Variants in ZFHX3 observed in about 807,000 individuals in gnomAD.
ZFHX3 encodes the protein zinc finger homeobox protein 3.
A neutral mutation model predicts 279.1 loss-of-function variants in ZFHX3; 42 were observed. The observed-to-expected ratio is 0.15, with a 90% CI of 0.12 to 0.19. The LOEUF (loss-of-function observed/expected upper bound fraction) is 0.19. Among genes scored for constraint, ZFHX3 ranks in the 10% least tolerant of loss-of-function variants. The pLI is 1.00. For missense variants in ZFHX3, 4,981 were observed against 4,754.0 expected (o/e 1.05, Z -1.40); for synonymous variants, 2,293 against 1,957.8 (o/e 1.17, Z -4.52).
intron 3 of ZFHX3, among the ~76,000 whole-genome samples, chr16:72,907,477 T>TC (rs1212222172): frequency 2.0e-5 from 3 of 151,170 alleles, no homozygotes; most frequent in Non-Finnish European, 4.4e-5. Flanking sequence ...CACCCACTAC[T>TC]CCCCTGTACC....
At chr16:73,235,596 A>G (rs1053661700) in intron 5 of ZFHX3, among the ~76,000 whole-genome samples, 1 of 152,148 alleles carries the variant, frequency 6.6e-6, no homozygotes, top group Non-Finnish European at 1.5e-5. Context: ...TGGGGGAATA[A>G]AAGTTGTGCC....
intron 2 of ZFHX3, among the ~76,000 whole-genome samples, chr16:73,632,359 C>T (rs2052482193): frequency 6.6e-6 from 1 of 152,108 alleles, no homozygotes; most frequent in Non-Finnish European, 1.5e-5. Context: ...AGGTGCCTGG[C>T]CTTACAAAAC....
intron 1 of ZFHX3, among the ~76,000 whole-genome samples, chr16:73,001,586 G>C (rs1291489638): frequency 6.6e-6 from 1 of 152,112 alleles, no homozygotes. Flanking sequence ...GCTGAAGTGA[G>C]AGGATCACTT....
intron 4 of ZFHX3, among the ~76,000 whole-genome samples, chr16:73,304,915 T>C (rs376892416): frequency 6.6e-6 from 1 of 152,118 alleles, no homozygotes. Flanking sequence ...CAATATGTCT[T>C]TGGGAGCATG....
At chr16:73,664,918 C>T (rs549741701) in intron 2 of ZFHX3, among the ~76,000 whole-genome samples, 1 of 152,256 alleles carries the variant, frequency 6.6e-6, no homozygotes, top group African/African-American at 2.4e-5. Flanking sequence ...GAGTTTTATT[C>T]CATTTAAAAT....
At chr16:73,316,863 T>C (rs898371834) in intron 4 of ZFHX3, among the ~76,000 whole-genome samples, 3 of 152,216 alleles carry the variant, frequency 2.0e-5, no homozygotes, top group Admixed American at 6.5e-5. Flanking sequence ...TCAAGATTCT[T>C]GATTTGTTTC....
At position 72,787,694 on chromosome 16, in the gene ZFHX3, AGCCGCCGCCGCCGCCGCCGCCGCCACC is replaced by A. The variant is rs1318451799; in HGVS notation, c.10555_10581del (p.Gly3519_Gly3527del). ...CTCTCGCACGCCAGGCAGTGGTACGAGCCGCCGCCGCCGCCGCCGCCGCCACCGCCGCCGCCGCCGCCACTGCCACCG... is the reference window on the plus strand; with the variant it reads ...CTCTCGCACGCCAGGCAGTGGTACGAGCCGCCGCCGCCGCCACTGCCACCG... On this transcript the variant is annotated inframe_deletion, in exon 10 of 10. Transcript: ENST00000268489. 158 of 1,420,786 alleles carry A rather than the reference AGCCGCCGCCGCCGCCGCCGCCGCCACC, an allele frequency of 1.1e-4. 35 individuals are homozygous for A. The South Asian group carries it at 1.5e-3, about 14-fold the overall frequency. The allele number at this position is 1,420,786 out of a possible 1,614,324, so 88.0% of individuals were successfully genotyped here. A position where few individuals can be genotyped will look rare whatever the true frequency, so the allele number is the denominator to read the frequency against.
At chr16:73,867,159 AT>A (rs1962044439) in intron 1 of ZFHX3, among the ~76,000 whole-genome samples, 2 of 152,076 alleles carry the variant, frequency 1.3e-5, no homozygotes, top group Admixed American at 1.3e-4. Flanking sequence ...GGGATGAGGC[AT>A]TTACAGTGCC....
rs1377194954 is a variant in ZFHX3 at position 72,957,002 on chromosome 16, T to C, written c.2719+425A>G. Among the ~76,000 whole-genome samples the C allele has an allele frequency of 2.0e-5, 3 of 152,210 alleles. No homozygotes were observed. In the East Asian group the frequency reaches 5.8e-4, roughly 29 times the overall value. On this transcript the variant is annotated intron_variant, in intron 2 of 9. Coordinates refer to ENST00000268489, the MANE Select transcript of ZFHX3 (RefSeq NM_006885.4). ...AAGATGATTGTCTCTACTTAAATCA[T>C]TGAGGTAACTGTCCCTAGTCCTCTT...
intron 1 of ZFHX3, among the ~76,000 whole-genome samples, chr16:73,725,936 CCATTT>C (rs1355689320): frequency 3.9e-5 from 6 of 152,088 alleles, no homozygotes; most frequent in Non-Finnish European, 8.8e-5. Flanking sequence ...GAATATTAAA[CCATTT>C]AATTTTTGTC....
At chr16:73,633,531 T>C (rs2052497327) in intron 2 of ZFHX3, among the ~76,000 whole-genome samples, 2 of 152,202 alleles carry the variant, frequency 1.3e-5, no homozygotes, top group South Asian at 2.1e-4. Context: ...ATTCGTAATG[T>C]TTTATTTCTT....
chr16:73,794,592 C>A, intron 1 of ZFHX3, among the ~76,000 whole-genome samples: 1 of 152,068 alleles, frequency 6.6e-6, no homozygotes, highest in Non-Finnish European at 1.5e-5. Context: ...CATAGGGACC[C>A]CCCCTTTGCA....
intron 2 of ZFHX3, among the ~76,000 whole-genome samples, chr16:73,477,986 T>A (rs2018792780): frequency 1.3e-5 from 2 of 151,976 alleles, no homozygotes; most frequent in African/African-American, 4.8e-5. Context: ...AAAAATTGAG[T>A]CAGAGGCTGG....
intron 3 of ZFHX3, among the ~76,000 whole-genome samples, chr16:73,322,991 C>T (rs1232445846): frequency 6.6e-6 from 1 of 152,168 alleles, no homozygotes; most frequent in Non-Finnish European, 1.5e-5. Context: ...TCTATGGATG[C>T]TTTTTCCTTA....
intron 4 of ZFHX3, among the ~76,000 whole-genome samples, chr16:72,886,028 C>T (rs1369753867): frequency 2.0e-5 from 3 of 152,214 alleles, no homozygotes; most frequent in Admixed American, 1.3e-4. Flanking sequence ...TCATCTTAAA[C>T]ATCTCAATTC....
At chr16:72,868,611 G>A (rs1036336471) in intron 4 of ZFHX3, among the ~76,000 whole-genome samples, 5 of 152,188 alleles carry the variant, frequency 3.3e-5, no homozygotes, top group Admixed American at 6.5e-5. Context: ...CCACCCGTTC[G>A]CGCTCTATCT....
Position 72,787,848 on chromosome 16 carries a change from G to T in ZFHX3, c.10428C>A (p.Asp3476Glu), listed in dbSNP as rs746576275. The T allele has an allele frequency of 1.2e-6, 2 of 1,613,888 alleles. No individual in the cohort carries two copies. The highest frequency in any genetic ancestry group is 1.7e-5 in the Admixed American group (1 of 60,014). Residue 3476 changes from aspartate to glutamate, a missense_variant, in exon 10 of 10, where the codon GAC becomes GAA. By Grantham distance (45) the Asp-to-Glu change is conservative. This residue lies in a region of ZFHX3 where 1,034 missense variants were observed against 786.0 expected (regional missense o/e 1.32). Transcript: ENST00000268489. Reference protein sequence around the residue: ...VCRKCQAGFSDEEAARSHLKS... With the variant: ...VCRKCQAGFSEEEAARSHLKS... ...TCAGGTGGCTCCTCGCTGCCTCCTC[G>T]TCGCTGAAGCCCGCCTGGCACTTGC...
intron 3 of ZFHX3, among the ~76,000 whole-genome samples, chr16:73,351,749 CACGGTTT>C (rs760952870): frequency 3.1e-3 from 471 of 152,304 alleles, no homozygotes; most frequent in Non-Finnish European, 4.9e-3. Flanking sequence ...TTCTTGGCAG[CACGGTTT>C]CCATTACCTC....
chr16:73,033,060 T>C (rs1964766226), intron 1 of ZFHX3, among the ~76,000 whole-genome samples: 1 of 151,934 alleles, frequency 6.6e-6, no homozygotes, highest in Non-Finnish European at 1.5e-5. Flanking sequence ...CACTCAAGTT[T>C]CTCCCCAAGC....
Sources: gnomAD v4.1 joint callset for allele counts (sites outside exome capture counted in the v4.1 genomes callset) on GRCh38, gnomAD v4.1.1 for gene constraint, gnomAD v4.1.1 regional missense constraint, MANE v1.5 for transcripts, NCBI Gene and HGNC (gene_info 2026-07-23, HGNC 2026-07-21) for gene names.